ECT2L: variants seen among roughly 807,000 people sequenced by gnomAD.
ECT2L encodes the protein epithelial cell transforming 2 like.
Under a neutral mutation model 122.8 loss-of-function variants are expected in ECT2L, and 126 were observed. The observed-to-expected ratio is 1.03, with a 90% CI of 0.89 to 1.19. The LOEUF (loss-of-function observed/expected upper bound fraction) is 1.19, where lower values mean the gene tolerates loss of function less well. Among genes scored for constraint, ECT2L ranks in the 50% most tolerant of loss-of-function variants. The pLI, the probability that ECT2L is intolerant of heterozygous loss-of-function variation, is 0.00. For missense variants in ECT2L, 1,012 were observed against 1,064.1 expected, an observed-to-expected ratio of 0.95 and a Z score of 0.68; for synonymous variants, 385 against 381.8, an observed-to-expected ratio of 1.01 and a Z score of -0.10.
intron 4 of ECT2L, among the ~76,000 whole-genome samples, chr6:138,832,531 T>C (rs1256502143): frequency 6.6e-6 from 1 of 152,210 alleles, no homozygotes; most frequent in East Asian, 1.9e-4. Flanking sequence ...GGAGATTTAA[T>C]ATGGACTTAA....
intron 14 of ECT2L, among the ~76,000 whole-genome samples, chr6:138,878,350 T>C (rs959086059): frequency 3.9e-5 from 6 of 152,082 alleles, no homozygotes; most frequent in African/African-American, 1.5e-4. Context: ...TATACATATA[T>C]TGCTGTTGTT....
chr6:138,849,944 ATT>A (rs35026871), intron 9 of ECT2L, among the ~76,000 whole-genome samples: 71,204 of 151,616 alleles, frequency 0.47, 17,780 homozygotes, highest in Middle Eastern at 0.65. Flanking sequence ...GCAGTTCAGT[ATT>A]GTTTGTTCAC....
intron 4 of ECT2L, among the ~76,000 whole-genome samples, chr6:138,822,325 C>T (rs184694403): frequency 7.2e-4 from 109 of 152,076 alleles, no homozygotes; most frequent in African/African-American, 2.4e-3. Context: ...AGGCTGAGGT[C>T]GGCGGATCAC....
At chr6:138,824,575 CA>C (rs1174829999) in intron 4 of ECT2L, among the ~76,000 whole-genome samples, 1 of 130,230 alleles carries the variant, frequency 7.7e-6, no homozygotes, top group South Asian at 2.6e-4. Context: ...AAACAAAAAA[CA>C]AAAACAAAAA....
chr6:138,846,630 C>G lies in ECT2L; in HGVS notation c.856C>G (p.Leu286Val). 6.2e-7 allele frequency: 1 copy of G among 1,610,558 alleles called. No individual in the cohort carries two copies. ...HKNDDRSSYALRPHFMLISSR... is the reference protein window; with the variant it reads ...HKNDDRSSYAVRPHFMLISSR... Reference sequence around the variant, plus strand: ...AAATGATGACAGATCTTCATATGCTCTCCGGCCACACTTCATGTTAATATC... The same window carrying G: ...AAATGATGACAGATCTTCATATGCTGTCCGGCCACACTTCATGTTAATATC... Residue 286 changes from leucine (L) to valine (V), a missense_variant, in exon 8 of 22, where the codon CTC (leucine) becomes GTC (valine). Physicochemically the swap from Leu to Val is conservative, Grantham distance 32. Transcript: ENST00000541398.
chr6:138,861,440 T>C (rs1043181119), intron 10 of ECT2L, among the ~76,000 whole-genome samples: 3 of 152,230 alleles, frequency 2.0e-5, no homozygotes, highest in Non-Finnish European at 4.4e-5. Flanking sequence ...CGTGAGATGG[T>C]ATCTCATTGT....
At chr6:138,885,022 C>CTTTTTTTTTTTTTT (rs34579502) in intron 16 of ECT2L, among the ~76,000 whole-genome samples, 1 of 78,850 alleles carries the variant, frequency 1.3e-5, no homozygotes, top group Non-Finnish European at 2.4e-5. Context: ...AACACACATT[C>CTTTTTTTTTTTTTT]TTTTTTTTTT....
At chr6:138,845,269 G>A (rs1777181298) in intron 7 of ECT2L, among the ~76,000 whole-genome samples, 1 of 143,016 alleles carries the variant, frequency 7.0e-6, no homozygotes, top group Non-Finnish European at 1.5e-5. Context: ...TTGAGACGGA[G>A]TCTCACTCTG....
chr6:138,865,017 C>A lies in ECT2L; in HGVS notation c.1313C>A (p.Ser438Tyr), dbSNP rs542482066. 1 of 1,613,178 alleles carries A rather than the reference C, an allele frequency of 6.2e-7. No individual in the cohort carries two copies. The highest frequency in any genetic ancestry group is 1.3e-5 in the African/African-American group (1 of 75,016). The change falls in exon 12 of 22, where the codon TCC (serine) becomes TAC (tyrosine). Residue 438 changes from serine (S) to tyrosine (Y), a missense_variant. Ser to Tyr is a moderately radical substitution (Grantham distance 144). Transcript: ENST00000541398. ...YQHILSDWLGSQWGKAPSSIY... is the reference protein window; with the variant it reads ...YQHILSDWLGYQWGKAPSSIY... Reference sequence around the variant, plus strand: ...TCAGTTCTTAGTGATTGGCTGGGATCCCAATGGGGAAAGGCCCCCTCTTCC... The same window carrying A: ...TCAGTTCTTAGTGATTGGCTGGGATACCAATGGGGAAAGGCCCCCTCTTCC...
At chr6:138,851,481 C>CTT (rs1777448362) in intron 9 of ECT2L, among the ~76,000 whole-genome samples, 3 of 127,438 alleles carry the variant, frequency 2.4e-5, no homozygotes, top group Non-Finnish European at 4.7e-5. Context: ...CTGTGCCTAG[C>CTT]CTTTTTTTTT....
At chr6:138,853,069 G>C (rs1157958203) in intron 9 of ECT2L, among the ~76,000 whole-genome samples, 1 of 152,164 alleles carries the variant, frequency 6.6e-6, no homozygotes, top group Non-Finnish European at 1.5e-5. Flanking sequence ...CTGGGTTCAA[G>C]CGATTCTTCT....
In ECT2L at chr6:138,844,429, C is replaced by T. The variant is rs771506919; in HGVS notation, c.613C>T (p.Arg205Ter). 12 of 1,613,796 alleles carry T rather than the reference C, an allele frequency of 7.4e-6. No individual in the cohort carries two copies. Among genetic ancestry groups the T allele is most frequent in the East Asian group, 2.2e-5 (1 of 44,870 alleles). Residue 205 changes from arginine to a stop codon, truncating the protein, a stop_gained, in exon 7 of 22, where the codon CGA becomes TGA. Transcript: ENST00000541398. LOFTEE classifies it high-confidence loss of function. ...ALRKKELFKV[R>*]PPWVSGTCCS... ...TTTTTCAGAGGAGTTATTCAAAGTT[C>T]GACCCCCTTGGGTGAGTGGAACTTG...
chr6:138,827,390 C>T (rs1776487175), intron 4 of ECT2L, among the ~76,000 whole-genome samples: 1 of 152,040 alleles, frequency 6.6e-6, no homozygotes, highest in African/African-American at 2.4e-5. Flanking sequence ...ACTACCCAGT[C>T]TCAGGTATTT....
At chr6:138,852,475 T>C (rs1777483334) in intron 9 of ECT2L, among the ~76,000 whole-genome samples, 1 of 152,148 alleles carries the variant, frequency 6.6e-6, no homozygotes, top group Non-Finnish European at 1.5e-5. Context: ...AATCTTCCAT[T>C]ATTGTGGGAT....
chr6:138,896,577 T>C (rs890469457), intron 20 of ECT2L, among the ~76,000 whole-genome samples: 1 of 152,160 alleles, frequency 6.6e-6, no homozygotes, highest in Non-Finnish European at 1.5e-5. Context: ...TAGGTGATAA[T>C]CAGTTTTGAC....
chr6:138,846,536 T>C lies in ECT2L; in HGVS notation c.765-3T>C, dbSNP rs1449885099. The C allele has an allele frequency of 3.2e-6, 5 of 1,578,938 alleles. No individual in the cohort carries two copies. The highest frequency in any genetic ancestry group is 1.9e-5 in the Admixed American group (1 of 51,426). On this transcript the variant is annotated splice_polypyrimidine_tract_variant and splice_region_variant and intron_variant, in intron 7 of 21. Coordinates refer to ENST00000541398, the MANE Select transcript of ECT2L (RefSeq NM_001077706.3). ...ACTTCTCATATTTCCTTTTACTCCA[T>C]AGAAGCAATATTTCTGGAAGCCATT...
At chr6:138,894,567 C>G (rs1779147675) in intron 20 of ECT2L, among the ~76,000 whole-genome samples, 1 of 152,152 alleles carries the variant, frequency 6.6e-6, no homozygotes, top group South Asian at 2.1e-4. Flanking sequence ...TTACCAGGCC[C>G]AGAGACATGA....
At chr6:138,887,669 T>C (rs1778874131) in intron 19 of ECT2L, among the ~76,000 whole-genome samples, 1 of 152,250 alleles carries the variant, frequency 6.6e-6, no homozygotes, top group Admixed American at 6.5e-5. Context: ...CCCTTATCTC[T>C]TACAGTTTTC....
At chr6:138,825,253 A>G (rs151126463) in intron 4 of ECT2L, among the ~76,000 whole-genome samples, 38 of 152,306 alleles carry the variant, frequency 2.5e-4, no homozygotes, top group African/African-American at 4.1e-4. Context: ...TGCCTGCTCA[A>G]TACCAATACC....
Sources: gnomAD v4.1 joint callset for allele counts (sites outside exome capture counted in the v4.1 genomes callset) on GRCh38, gnomAD v4.1.1 for gene constraint, MANE v1.5 for transcripts, NCBI Gene and HGNC (gene_info 2026-07-23, HGNC 2026-07-21) for gene names.